Variants in PTP4A2 observed in about 807,000 individuals in gnomAD.
PTP4A2 encodes protein tyrosine phosphatase type IVA 2.
A neutral mutation model predicts 22.9 loss-of-function variants in PTP4A2; 2 were observed. The ratio of observed to expected loss-of-function variants is 0.09; its 90% CI spans 0.04 to 0.27. The LOEUF is 0.27. Among genes scored for constraint, PTP4A2 ranks in the 10% least tolerant of loss-of-function variants. PTP4A2 has a pLI of 1.00. For missense variants in PTP4A2, 103 were observed against 205.1 expected (o/e 0.50, Z 3.04); for synonymous variants, 68 against 69.1 (o/e 0.98, Z 0.08).
intron 1 of PTP4A2, among the ~76,000 whole-genome samples, chr1:31,928,877 T>A (rs1200438824): frequency 6.6e-6 from 1 of 152,042 alleles, no homozygotes; most frequent in East Asian, 1.9e-4. Context: ...TCAAAACCAG[T>A]AGAAGATACA....
At chr1:31,914,278 C>A (rs983861456) in intron 3 of PTP4A2, 1 of 455,724 alleles carries the variant, frequency 2.2e-6, no homozygotes, top group Non-Finnish European at 4.4e-6. Context: ...TGTTGCCCCA[C>A]TAGTCTTGGA....
intron 3 of PTP4A2, among the ~76,000 whole-genome samples, chr1:31,914,700 G>A (rs917380025): frequency 1.3e-5 from 2 of 152,068 alleles, no homozygotes; most frequent in Non-Finnish European, 2.9e-5. Flanking sequence ...ATTTCATTAC[G>A]TGCTCCTAAA....
Position 31,911,954 on chromosome 1 carries a change from T to G in PTP4A2, c.190-128A>C, listed in dbSNP as rs1324093049. 3 of 515,266 alleles carry G rather than the reference T, an allele frequency of 5.8e-6. No homozygotes were observed. In the Admixed American group the frequency reaches 1.2e-4, roughly 21 times the overall value. The allele number at this position is 515,266 out of a possible 1,614,324, so 31.9% of individuals were successfully genotyped here. A position where few individuals can be genotyped will look rare whatever the true frequency, so the allele number is the denominator to read the frequency against. On this transcript the variant is annotated intron_variant, in intron 3 of 5. Coordinates refer to ENST00000647444, the MANE Select transcript of PTP4A2 (RefSeq NM_080391.4). ...TAACTGCACTATATATACCTATTGT[T>G]AACACAATTCTGATCATTGCTGTAA...
chr1:31,934,451 TC>T (rs775562904), intron 1 of PTP4A2, among the ~76,000 whole-genome samples: 2 of 152,190 alleles, frequency 1.3e-5, no homozygotes, highest in African/African-American at 2.4e-5. Context: ...ATGCACCTGC[TC>T]CTCTCCATCT....
chr1:31,923,660 C>A (rs909684348), intron 1 of PTP4A2, among the ~76,000 whole-genome samples: 1 of 152,016 alleles, frequency 6.6e-6, no homozygotes, highest in Non-Finnish European at 1.5e-5. Flanking sequence ...GTAGCTGGGA[C>A]TACAGGTGCA....
At chr1:31,937,262 T>C (rs1371696524) in intron 1 of PTP4A2, among the ~76,000 whole-genome samples, 1 of 152,080 alleles carries the variant, frequency 6.6e-6, no homozygotes, top group African/African-American at 2.4e-5. Context: ...TCACATCCTT[T>C]CTGGGGGAAA....
intron 1 of PTP4A2, among the ~76,000 whole-genome samples, chr1:31,924,885 G>T (rs1438096976): frequency 6.6e-6 from 1 of 152,060 alleles, no homozygotes; most frequent in African/African-American, 2.4e-5. Flanking sequence ...ATTAAGAAAG[G>T]AGGGAGATAA....
At chr1:31,911,513 G>A (rs561441747) in intron 4 of PTP4A2, among the ~76,000 whole-genome samples, 183 bp downstream of exon 4, 10 of 152,204 alleles carry the variant, frequency 6.6e-5, no homozygotes, top group Non-Finnish European at 8.8e-5. Flanking sequence ...CAGACAACCA[G>A]ATGAAATGAA....
chr1:31,920,598 C>T (rs111570117), intron 1 of PTP4A2, among the ~76,000 whole-genome samples: 3,120 of 140,794 alleles, frequency 0.022, 110 homozygotes, highest in African/African-American at 0.078. Context: ...AGTGCAATGG[C>T]GAGATCTCAG....
intron 3 of PTP4A2, 88 bp from the exon 4 acceptor site, chr1:31,911,914 C>T (rs1569577810): frequency 1.0e-6 from 1 of 971,026 alleles, no homozygotes; most frequent in East Asian, 2.8e-5. Flanking sequence ...GTACACACGG[C>T]AGGCCTAACT....
chr1:31,908,135 TTATATTATATATATATATATATATA>T lies in PTP4A2; in HGVS notation c.*692_*716del, dbSNP rs1651295340. On this transcript the variant is annotated 3_prime_UTR_variant, in exon 6 of 6. Transcript: ENST00000647444. ...GAAAATATATATATATATATATATA[TTATATTATATATATATATATATATA>T]TATATATATATATATATATATATAT... The T allele has an allele frequency of 0.01, 41 of 3,958 alleles. 7 individuals carry two copies. Among genetic ancestry groups the T allele is most frequent in the East Asian group, 0.014 (2 of 142 alleles). The allele number at this position is 3,958 out of a possible 1,614,324, so 0.2% of individuals were successfully genotyped here.
chr1:31,938,033 CGAG>C lies in PTP4A2; in HGVS notation c.-643_-641del, dbSNP rs1653024662. 6.6e-6 allele frequency: 1 copy of C among 152,612 alleles called. No homozygotes were observed. The highest frequency in any genetic ancestry group is 2.4e-5 in the African/African-American group (1 of 41,014). The allele number at this position is 152,612 out of a possible 1,614,324, so 9.5% of individuals were successfully genotyped here. On this transcript the variant is annotated 5_prime_UTR_variant, in exon 1 of 6. Transcript: ENST00000647444. The surrounding 1 kb of genome is among the most constrained non-coding windows in gnomAD (Gnocchi z 4.4). ...CATTGAAGTCCGGCGGTGGCGGGAG[CGAG>C]GAGGCGCCTCTCTCCTCAGTCACCT...
intron 4 of PTP4A2, 126 bp downstream of exon 4, chr1:31,911,570 T>C (rs1311260853): frequency 6.5e-6 from 6 of 923,562 alleles, no homozygotes; most frequent in Admixed American, 3.4e-5. Flanking sequence ...TCTCATTTCC[T>C]TTCCTTTCAG....
intron 1 of PTP4A2, among the ~76,000 whole-genome samples, chr1:31,927,230 T>A (rs1333946198): frequency 6.6e-6 from 1 of 152,234 alleles, no homozygotes; most frequent in Non-Finnish European, 1.5e-5. Context: ...GAGGCCATTA[T>A]CCTAAGCGAA....
rs956766554 is a variant in PTP4A2, at chr1:31,919,420, T to C, written c.-355A>G. ...AAGTGTAGGTCACTTTCCACTTGTT[T>C]ACTTGATGCTTAATTTTACTGGAGT... On this transcript the variant is annotated 5_prime_UTR_variant, in exon 2 of 6. It removes the in-frame stop codon of an upstream open reading frame in the 5' UTR. Coordinates refer to ENST00000647444, the MANE Select transcript of PTP4A2 (RefSeq NM_080391.4). 1.3e-5 allele frequency: 2 copies of C among 154,272 alleles called. No individual in the cohort carries two copies. The highest frequency in any genetic ancestry group is 2.9e-5 in the Non-Finnish European group (2 of 69,584). The allele number at this position is 154,272 out of a possible 1,614,324, so 9.6% of individuals were successfully genotyped here. A position where few individuals can be genotyped will look rare whatever the true frequency, so the allele number is the denominator to read the frequency against.
At chr1:31,928,206 TTATAA>T (rs928781123) in intron 1 of PTP4A2, among the ~76,000 whole-genome samples, 4 of 140,320 alleles carry the variant, frequency 2.9e-5, no homozygotes, top group African/African-American at 5.3e-5. Flanking sequence ...TATTTATATA[TTATAA>T]TATATAAATA....
At chr1:31,918,523 T>C (rs1557863862) in intron 2 of PTP4A2, among the ~76,000 whole-genome samples, 1 of 152,220 alleles carries the variant, frequency 6.6e-6, no homozygotes, top group African/African-American at 2.4e-5. Flanking sequence ...CCACATACTA[T>C]GTGCCATTAG....
At chr1:31,937,211 G>A (rs1557870721) in intron 1 of PTP4A2, among the ~76,000 whole-genome samples, 1 of 152,014 alleles carries the variant, frequency 6.6e-6, no homozygotes. Flanking sequence ...GTCATGAAAC[G>A]TGGGAGAAAA....
rs765175375 is a variant in PTP4A2, at chr1:31,908,866, AATGCCCATTGGT to A, written c.478_489del (p.Thr160_His163del). 3 of 1,612,210 alleles carry A rather than the reference AATGCCCATTGGT, an allele frequency of 1.9e-6. No individual in the cohort carries two copies. The South Asian group carries it at 3.3e-5, about 18-fold the overall frequency. On this transcript the variant is annotated inframe_deletion, in exon 6 of 6. Transcript: ENST00000647444. ...TACATTTCCTTCTACTGAACACAGC[AATGCCCATTGGT>A]ATCTCTGAAGCGTAATCGCATCTTA...
Sources: allele counts gnomAD v4.1 joint callset (sites outside exome capture counted in the v4.1 genomes callset), GRCh38; gene constraint gnomAD v4.1.1; non-coding constraint Gnocchi (gnomAD v3.1); transcripts MANE v1.5; gene names NCBI Gene and HGNC (gene_info 2026-07-23, HGNC 2026-07-21).